The following TRDN variants were observed in gnomAD, a reference collection of about 807,000 sequenced individuals.
The protein encoded by TRDN is triadin.
In TRDN, 161 loss-of-function variants were observed where a neutral mutation model predicts 149.7. The observed-to-expected ratio is 1.08, with a 90% CI of 0.95 to 1.23. The LOEUF (loss-of-function observed/expected upper bound fraction) is 1.23. TRDN is among the 50% of genes most tolerant of loss of function. TRDN has a pLI of 0.00. For synonymous variants in TRDN, 294 were observed against 250.5 expected (o/e 1.17, Z -1.64); for missense variants, 896 against 823.5 (o/e 1.09, Z -1.08).
At chr6:123,443,260 GTGA>G (rs1490068187) in intron 10 of TRDN, among the ~76,000 whole-genome samples, 1 of 148,770 alleles carries the variant, frequency 6.7e-6, no homozygotes, top group Non-Finnish European at 1.5e-5. Context: ...TTTTGGACAA[GTGA>G]TGATAAAGAT....
intron 1 of TRDN, among the ~76,000 whole-genome samples, chr6:123,597,900 T>C (rs545787445): frequency 6.6e-6 from 1 of 152,272 alleles, no homozygotes; most frequent in African/African-American, 2.4e-5. Context: ...ATAATGGCTT[T>C]ATTGCAGTGA....
chr6:123,547,763 T>C (rs1238989249), intron 3 of TRDN, among the ~76,000 whole-genome samples: 1 of 152,068 alleles, frequency 6.6e-6, no homozygotes, highest in African/African-American at 2.4e-5. Context: ...ACATGATTTC[T>C]GATGACTAAG....
At chr6:123,412,114 A>G (rs1773466847) in intron 12 of TRDN, among the ~76,000 whole-genome samples, 1 of 152,162 alleles carries the variant, frequency 6.6e-6, no homozygotes, top group Admixed American at 6.6e-5. Flanking sequence ...ACGCAGTACT[A>G]TTTTTATCTC....
intron 1 of TRDN, among the ~76,000 whole-genome samples, chr6:123,579,086 C>T (rs1220624972): frequency 6.6e-6 from 1 of 152,144 alleles, no homozygotes; most frequent in Non-Finnish European, 1.5e-5. Context: ...AGAATCATGT[C>T]ATCTGCAAAT....
chr6:123,266,162 A>C (rs1321659580), intron 32 of TRDN, among the ~76,000 whole-genome samples: 3 of 81,446 alleles, frequency 3.7e-5, no homozygotes, highest in Non-Finnish European at 4.5e-5. Context: ...TATATATTAT[A>C]ATATGTATTA....
chr6:123,325,147 A>G (rs1779393302), intron 23 of TRDN, among the ~76,000 whole-genome samples: 2 of 152,122 alleles, frequency 1.3e-5, no homozygotes, highest in African/African-American at 4.8e-5. Context: ...ATATTCCAAT[A>G]TTGAAAAAAA....
At chr6:123,324,579 T>C (rs1172589860) in intron 23 of TRDN, among the ~76,000 whole-genome samples, 2 of 152,164 alleles carry the variant, frequency 1.3e-5, no homozygotes, top group Admixed American at 6.6e-5. Context: ...TTGTGACCCA[T>C]TCTTTCATTC....
intron 23 of TRDN, among the ~76,000 whole-genome samples, chr6:123,325,038 C>A (rs940103326): frequency 6.6e-6 from 1 of 151,884 alleles, no homozygotes; most frequent in African/African-American, 2.4e-5. Flanking sequence ...TTTTATTAAT[C>A]AACAGATTAT....
chr6:123,630,090 C>T (rs1482495853), intron 1 of TRDN, among the ~76,000 whole-genome samples: 3 of 151,944 alleles, frequency 2.0e-5, no homozygotes, highest in Non-Finnish European at 2.9e-5. Context: ...TAAAATGGAG[C>T]CTGAACTCCG....
At chr6:123,289,016 G>GT (rs1562247004) in intron 24 of TRDN, among the ~76,000 whole-genome samples, 2,003 of 103,984 alleles carry the variant, frequency 0.019, 48 homozygotes, top group African/African-American at 0.054. Context: ...AAATGTGGGG[G>GT]GTGTGTGTGT....
At chr6:123,433,143 AATATATATATATATATATAAT>A (rs138197504) in intron 12 of TRDN, among the ~76,000 whole-genome samples, 16 of 96,436 alleles carry the variant, frequency 1.7e-4, no homozygotes, top group South Asian at 9.0e-4. Context: ...ACACATCATA[AATATATATATATATATATAAT>A]ATATATATAT....
intron 21 of TRDN, chr6:123,351,467 G>A: frequency 1.0e-6 from 1 of 984,030 alleles, no homozygotes; most frequent in Non-Finnish European, 1.2e-6. Context: ...GAAACCAACA[G>A]AAACATCTAC....
intron 9 of TRDN, among the ~76,000 whole-genome samples, chr6:123,468,101 T>C (rs1217670619): frequency 6.6e-6 from 1 of 152,124 alleles, no homozygotes. Flanking sequence ...TTAAATCCCA[T>C]CTAATTTCAC....
At chr6:123,392,370 C>G (rs796956190) in intron 13 of TRDN, among the ~76,000 whole-genome samples, 20 of 151,410 alleles carry the variant, frequency 1.3e-4, no homozygotes, top group African/African-American at 4.8e-4. Context: ...ATTCTTGCCT[C>G]AAGTCGTAGT....
Position 123,570,810 on chromosome 6 carries a change from G to A in TRDN, c.232+113C>T, listed in dbSNP as rs1030947820. 4.1e-5 allele frequency: 35 copies of A among 858,746 alleles called. No homozygotes were observed. In the African/African-American group the frequency reaches 4.9e-4, roughly 12 times the overall value. 53.2% of individuals were successfully genotyped at this position (858,746 alleles called of 1,614,324 possible). ...AGTGATCCTCAAGCACATTTGTGGG[G>A]TGTTTCTTCCTCACACTAAGATGAA... On this transcript the variant is annotated intron_variant, in intron 2 of 40. Transcript: ENST00000334268.
Position 123,497,232 on chromosome 6 carries a change from A to G in TRDN, c.814T>C (p.Tyr272His), listed in dbSNP as rs1216258607. 2 of 1,557,148 alleles carry G rather than the reference A, an allele frequency of 1.3e-6. No individual in the cohort carries two copies. The highest frequency in any genetic ancestry group is 1.7e-6 in the Non-Finnish European group (2 of 1,152,580). ...EQKDQYAFCR[Y>H]MIDIFVHGDL... ...CCATGGACAAATATGTCAATCATAT[A>G]TCGACAGAATGCATACTGATCTGAC... The change falls in exon 9 of 41, where the codon TAT becomes CAT. Residue 272 changes from tyrosine (Y) to histidine (H), a missense_variant. Tyr to His is a moderately conservative substitution (Grantham distance 83). Transcript: ENST00000334268.
intron 24 of TRDN, among the ~76,000 whole-genome samples, chr6:123,287,095 G>C (rs1485370761): frequency 6.6e-6 from 1 of 152,098 alleles, no homozygotes; most frequent in Non-Finnish European, 1.5e-5. Context: ...CACAGAAAGA[G>C]TGCAAAGAGG....
rs73770172 is a variant in TRDN, at chr6:123,565,991, T to C, written c.232+4932A>G. Among the ~76,000 whole-genome samples the C allele has an allele frequency of 3.0e-3, 459 of 152,336 alleles. 1 individual carries two copies. Among genetic ancestry groups the C allele is most frequent in the African/African-American group, 0.011 (451 of 41,576 alleles). ...TACTTTCCACTCAACACCAGATGCA[T>C]TGCAACAGCCTTACATAGATTAATC... On this transcript the variant is annotated intron_variant, in intron 2 of 40. Coordinates refer to ENST00000334268, the MANE Select transcript of TRDN (RefSeq NM_006073.4).
At chr6:123,246,906 G>T (rs555465889) in intron 38 of TRDN, among the ~76,000 whole-genome samples, 3 of 152,020 alleles carry the variant, frequency 2.0e-5, no homozygotes, top group Non-Finnish European at 4.4e-5. Flanking sequence ...TATCCACCAC[G>T]ATCAAGTTGG....
Sources: allele counts gnomAD v4.1 joint callset (sites outside exome capture counted in the v4.1 genomes callset), GRCh38; gene constraint gnomAD v4.1.1; transcripts MANE v1.5; gene names NCBI Gene and HGNC (gene_info 2026-07-23, HGNC 2026-07-21).